PTCHD4: variants seen among roughly 807,000 people sequenced by gnomAD.
PTCHD4 encodes the protein patched domain-containing protein 4.
Under a neutral mutation model 58.1 loss-of-function variants are expected in PTCHD4, and 33 were observed. The observed-to-expected ratio is 0.57, with a 90% CI of 0.43 to 0.76. The LOEUF is 0.76. PTCHD4 is among the 30% of genes least tolerant of loss of function. The pLI is 0.00. For missense variants in PTCHD4, 1,058 were observed against 1,027.1 expected, an observed-to-expected ratio of 1.03 and a Z score of -0.41; for synonymous variants, 478 against 409.6, an observed-to-expected ratio of 1.17 and a Z score of -2.02.
At chr6:48,103,748 G>A (rs1025356789) in intron 1 of PTCHD4, among the ~76,000 whole-genome samples, 5 of 152,178 alleles carry the variant, frequency 3.3e-5, no homozygotes, top group African/African-American at 1.2e-4. Context: ...ATGCAGAGAA[G>A]TACTTAAAGG....
chr6:48,095,173 C>T (rs943216795), intron 1 of PTCHD4, among the ~76,000 whole-genome samples: 2 of 152,176 alleles, frequency 1.3e-5, no homozygotes, highest in African/African-American at 2.4e-5. Context: ...TGTTTCCTTA[C>T]TGCCAATTAT....
At chr6:48,013,009 A>T (rs1262334422) in intron 3 of PTCHD4, among the ~76,000 whole-genome samples, 1 of 152,146 alleles carries the variant, frequency 6.6e-6, no homozygotes, top group Non-Finnish European at 1.5e-5. Flanking sequence ...ATTGATGTTC[A>T]TCAGGGATAT....
chr6:48,038,111 G>A lies in PTCHD4; in HGVS notation c.418-28997C>T, dbSNP rs1263193652. 3.3e-5 allele frequency among the ~76,000 whole-genome samples: 5 copies of A among 151,792 alleles called. No individual in the cohort carries two copies. In the South Asian group the frequency reaches 8.4e-4, roughly 25 times the overall value. On this transcript the variant is annotated intron_variant, in intron 3 of 4. Transcript: ENST00000339488. ...TTTCCTCTTTCAGTGAGAATGAAGG[G>A]GTAACTTAGGGAAAAAGGAATTGAA...
chr6:47,864,208 G>C lies in PTCHD4; in HGVS notation c.*14095C>G, dbSNP rs1377697515. Among the ~76,000 whole-genome samples, 1 of 151,894 alleles carries C rather than the reference G, an allele frequency of 6.6e-6. No homozygotes were observed. The highest frequency in any genetic ancestry group is 1.5e-5 in the Non-Finnish European group (1 of 67,900). On this transcript the variant is annotated 3_prime_UTR_variant, in exon 5 of 5. Coordinates refer to ENST00000339488, the MANE Select transcript of PTCHD4 (RefSeq NM_001384253.1). Reference sequence around the variant, plus strand: ...TTGAATCAGAACCTCTGGAGATGGGGATATGCAGGCTGTGCTTTGACAAGC... The same window carrying C: ...TTGAATCAGAACCTCTGGAGATGGGCATATGCAGGCTGTGCTTTGACAAGC...
chr6:48,056,633 A>G (rs562403252), intron 3 of PTCHD4, among the ~76,000 whole-genome samples: 1 of 152,372 alleles, frequency 6.6e-6, no homozygotes, highest in East Asian at 1.9e-4. Flanking sequence ...TCATATTAAG[A>G]GTAACTTAAA....
chr6:47,998,074 G>GA (rs1383597421), intron 4 of PTCHD4, among the ~76,000 whole-genome samples: 3 of 152,014 alleles, frequency 2.0e-5, no homozygotes, highest in Admixed American at 1.3e-4. Context: ...CAGTACTGCA[G>GA]AAAAAAATCC....
chr6:48,024,183 C>G (rs1358493501), intron 3 of PTCHD4, among the ~76,000 whole-genome samples: 1 of 152,002 alleles, frequency 6.6e-6, no homozygotes, highest in East Asian at 1.9e-4. Flanking sequence ...TACCTCATTA[C>G]AAAATTATGA....
At chr6:48,063,666 T>C (rs1161157628) in intron 3 of PTCHD4, among the ~76,000 whole-genome samples, 2 of 152,152 alleles carry the variant, frequency 1.3e-5, no homozygotes, top group Non-Finnish European at 2.9e-5. Context: ...CTTGTAAAGA[T>C]TAAATAGCAT....
At chr6:48,018,004 A>T (rs1285782683) in intron 3 of PTCHD4, among the ~76,000 whole-genome samples, 1 of 152,200 alleles carries the variant, frequency 6.6e-6, no homozygotes, top group Admixed American at 6.5e-5. Flanking sequence ...AGAAGATTGA[A>T]TGTGTGGATA....
At chr6:47,980,788 A>C (rs1309393204) in intron 4 of PTCHD4, among the ~76,000 whole-genome samples, 2 of 151,852 alleles carry the variant, frequency 1.3e-5, no homozygotes, top group African/African-American at 2.4e-5. Context: ...TATATTCCCT[A>C]CTGTGAAAGA....
chr6:47,878,756 C>A lies in PTCHD4; in HGVS notation c.2079G>T (p.Glu693Asp). The change falls in exon 5 of 5, where the codon GAG becomes GAT. Residue 693 changes from glutamate (E) to aspartate (D), a missense_variant. Coordinates refer to ENST00000339488, the MANE Select transcript of PTCHD4 (RefSeq NM_001384253.1). ...ATGTCATTAAGCCCAGAACGCCCAG[C>A]TCAATTGAGGTGACGCTAAGAATTA... is the stretch of plus-strand genomic sequence containing the variant. ...FWLILSVTSI[E>D]LGVLGLMTLW... 6.2e-7 allele frequency: 1 copy of A among 1,613,584 alleles called. No individual in the cohort carries two copies. Among genetic ancestry groups the A allele is most frequent in the Admixed American group, 1.7e-5 (1 of 59,894 alleles).
intron 4 of PTCHD4, among the ~76,000 whole-genome samples, chr6:47,924,302 G>A (rs1765527436): frequency 6.6e-6 from 1 of 152,120 alleles, no homozygotes; most frequent in African/African-American, 2.4e-5. Context: ...TCACTTTAGA[G>A]TGAACATGAA....
chr6:47,955,707 G>A (rs943348232), intron 4 of PTCHD4, among the ~76,000 whole-genome samples: 6 of 152,198 alleles, frequency 3.9e-5, no homozygotes, highest in Non-Finnish European at 8.8e-5. Flanking sequence ...TAAGGCTTAT[G>A]TTGTGAAGTG....
chr6:47,983,009 G>T (rs1200082992), intron 4 of PTCHD4, among the ~76,000 whole-genome samples: 1 of 152,168 alleles, frequency 6.6e-6, no homozygotes, highest in Non-Finnish European at 1.5e-5. Context: ...TGACAAAGCA[G>T]AAAGTAAATA....
intron 4 of PTCHD4, among the ~76,000 whole-genome samples, chr6:47,931,880 C>T (rs1473424572): frequency 1.3e-5 from 2 of 152,048 alleles, no homozygotes; most frequent in Admixed American, 1.3e-4. Context: ...AAACAGCAAC[C>T]AGAATTATAG....
chr6:48,063,381 G>A (rs1764696939), intron 3 of PTCHD4, among the ~76,000 whole-genome samples: 1 of 152,166 alleles, frequency 6.6e-6, no homozygotes, highest in South Asian at 2.1e-4. Context: ...TGAAACATTA[G>A]TACTGGTATT....
At chr6:48,017,295 T>C (rs1443613171) in intron 3 of PTCHD4, among the ~76,000 whole-genome samples, 1 of 152,172 alleles carries the variant, frequency 6.6e-6, no homozygotes, top group Non-Finnish European at 1.5e-5. Context: ...GTACAAGGTA[T>C]TTATTTTTTA....
At chr6:47,994,789 G>A (rs79531042) in intron 4 of PTCHD4, among the ~76,000 whole-genome samples, 18,485 of 152,232 alleles carry the variant, frequency 0.12, 1,456 homozygotes, top group South Asian at 0.2. Flanking sequence ...GCTGAGCTGA[G>A]TACATATAGA....
Position 48,009,029 on chromosome 6 carries a change from C to G in PTCHD4, c.503G>C (p.Arg168Thr), listed in dbSNP as rs772336812. Residue 168 changes from arginine to threonine, a missense_variant, in exon 4 of 5, where the codon AGA becomes ACA. Arg to Thr is a moderately conservative substitution (Grantham distance 71). Coordinates refer to ENST00000339488, the MANE Select transcript of PTCHD4 (RefSeq NM_001384253.1). ...NSKDQRVKSA[R>T]AIQITYYLQT... ...GAGGTAGTAGGTGATTTGAATGGCT[C>G]TGGCTGACTTGACCCGCTGATCTTT... The G allele has an allele frequency of 7.4e-6, 12 of 1,613,970 alleles. No individual in the cohort carries two copies. In the South Asian group the frequency reaches 1.3e-4, roughly 18 times the overall value.
Sources: allele counts gnomAD v4.1 joint callset (sites outside exome capture counted in the v4.1 genomes callset), GRCh38; gene constraint gnomAD v4.1.1; transcripts MANE v1.5; gene names NCBI Gene and HGNC (gene_info 2026-07-23, HGNC 2026-07-21).